Variants in PRIMA1 observed in about 807,000 individuals in gnomAD.
The protein encoded by PRIMA1 is proline rich membrane anchor 1.
A neutral mutation model predicts 17.5 loss-of-function variants in PRIMA1; 7 were observed. That is an observed-to-expected ratio of 0.40 (90% CI 0.23 to 0.75). PRIMA1 has a LOEUF of 0.75. Among genes scored for constraint, PRIMA1 ranks in the 30% least tolerant of loss-of-function variants. The probability of loss-of-function intolerance (pLI) is 0.37; values close to 1 mark genes in which losing one functional copy is unlikely to be tolerated. For synonymous variants in PRIMA1, 97 were observed against 77.9 expected, an observed-to-expected ratio of 1.25 and a Z score of -1.29; for missense variants, 200 against 201.8, an observed-to-expected ratio of 0.99 and a Z score of 0.05.
intron 3 of PRIMA1, among the ~76,000 whole-genome samples, chr14:93,764,108 C>A (rs997429212): frequency 6.6e-6 from 1 of 151,974 alleles, no homozygotes; most frequent in South Asian, 2.1e-4. Flanking sequence ...CTTCTAACCC[C>A]CCAGCACTGC....
intron 3 of PRIMA1, among the ~76,000 whole-genome samples, chr14:93,754,366 C>G (rs936135970): frequency 6.7e-4 from 101 of 151,492 alleles, no homozygotes; most frequent in African/African-American, 2.0e-3. Flanking sequence ...GAGACCACTG[C>G]TACTAGATTT....
At chr14:93,750,959 T>G (rs1001292064) in intron 3 of PRIMA1, among the ~76,000 whole-genome samples, 26 of 152,154 alleles carry the variant, frequency 1.7e-4, no homozygotes, top group Admixed American at 4.6e-4. Flanking sequence ...ATTTGGATCC[T>G]GACTTGGCCA....
chr14:93,752,177 A>G (rs941975431), intron 3 of PRIMA1, among the ~76,000 whole-genome samples: 1 of 152,150 alleles, frequency 6.6e-6, no homozygotes, highest in African/African-American at 2.4e-5. Context: ...TTCAAAGCAC[A>G]TTTTCCTTAG....
chr14:93,741,079 C>T (rs1020689078), intron 3 of PRIMA1, among the ~76,000 whole-genome samples: 1 of 152,176 alleles, frequency 6.6e-6, no homozygotes, highest in East Asian at 1.9e-4. Context: ...GAGAAAACTA[C>T]CAGAGGCAAA....
intron 3 of PRIMA1, among the ~76,000 whole-genome samples, chr14:93,750,863 A>G (rs1196162890): frequency 6.6e-6 from 1 of 152,220 alleles, no homozygotes; most frequent in Non-Finnish European, 1.5e-5. Flanking sequence ...GTCTCTGGGC[A>G]TGGGGCACAG....
At position 93,724,420 on chromosome 14, in the gene PRIMA1, T is replaced by C. The variant is rs980581117; in HGVS notation, c.360-2874A>G. Among the ~76,000 whole-genome samples the C allele has an allele frequency of 5.5e-4, 83 of 152,206 alleles. 2 individuals carry two copies. Among genetic ancestry groups the C allele is most frequent in the Non-Finnish European group, 5.6e-4 (38 of 68,036 alleles). ...TGTTTATGTCGGGATCCATGGGAAA[T>C]GATGGACTCTGCAGCCAAGCTCTGC... On this transcript the variant is annotated intron_variant, in intron 4 of 4. Coordinates refer to ENST00000393140, the MANE Select transcript of PRIMA1 (RefSeq NM_178013.4).
At chr14:93,753,089 T>A (rs1045269767) in intron 3 of PRIMA1, among the ~76,000 whole-genome samples, 1 of 152,230 alleles carries the variant, frequency 6.6e-6, no homozygotes, top group Non-Finnish European at 1.5e-5. Flanking sequence ...GGCTCTTTCC[T>A]GGCTTCTGCA....
Position 93,721,550 on chromosome 14 carries a change from G to C in PRIMA1, c.360-4C>G, listed in dbSNP as rs777986985. 4.4e-6 allele frequency: 7 copies of C among 1,601,154 alleles called. No individual in the cohort carries two copies. Among genetic ancestry groups the C allele is most frequent in the Admixed American group, 1.7e-5 (1 of 59,954 alleles). On this transcript the variant is annotated splice_region_variant and splice_polypyrimidine_tract_variant and intron_variant, in intron 4 of 4. Transcript: ENST00000393140. Reference sequence around the variant, plus strand: ...TTCGTCTTTTCTCAGTGGTTTCCTGGAAGTGGGGGGAGGGGACAGGAAAGG... The same window carrying C: ...TTCGTCTTTTCTCAGTGGTTTCCTGCAAGTGGGGGGAGGGGACAGGAAAGG...
rs139915473 is a variant in PRIMA1 at position 93,759,563 on chromosome 14, G to T, written c.229+19613C>A. On this transcript the variant is annotated intron_variant, in intron 3 of 4. Coordinates refer to ENST00000393140, the MANE Select transcript of PRIMA1 (RefSeq NM_178013.4). ...TTGTGTGTGCATGCACGTGGGAGGAGTCACGTCAACTTGCAAAAAAGAGAG... is the reference window on the plus strand; with the variant it reads ...TTGTGTGTGCATGCACGTGGGAGGATTCACGTCAACTTGCAAAAAAGAGAG... 8.9e-4 allele frequency among the ~76,000 whole-genome samples: 135 copies of T among 152,296 alleles called. 3 individuals carry two copies. The South Asian group carries it at 0.023, about 26-fold the overall frequency.
intron 3 of PRIMA1, among the ~76,000 whole-genome samples, chr14:93,755,382 C>T (rs1284185879): frequency 6.6e-6 from 1 of 152,070 alleles, no homozygotes; most frequent in African/African-American, 2.4e-5. Context: ...ATGGATGTAC[C>T]ACAATTTACC....
At chr14:93,757,297 C>T (rs2076297672) in intron 3 of PRIMA1, among the ~76,000 whole-genome samples, 1 of 152,186 alleles carries the variant, frequency 6.6e-6, no homozygotes, top group African/African-American at 2.4e-5. Flanking sequence ...CACTTGAGAA[C>T]CATCAGCCAC....
intron 3 of PRIMA1, among the ~76,000 whole-genome samples, chr14:93,741,885 G>A (rs1159761592): frequency 1.3e-5 from 2 of 152,078 alleles, no homozygotes; most frequent in Non-Finnish European, 2.9e-5. Flanking sequence ...ACATCTCAGG[G>A]GTCGCAACAC....
At chr14:93,746,338 G>A (rs2076217948) in intron 3 of PRIMA1, among the ~76,000 whole-genome samples, 1 of 152,160 alleles carries the variant, frequency 6.6e-6, no homozygotes, top group East Asian at 1.9e-4. Flanking sequence ...AGGGTTGGGG[G>A]GCTCTCAGTG....
chr14:93,761,655 T>C (rs2141180250), intron 3 of PRIMA1, among the ~76,000 whole-genome samples: 1 of 152,256 alleles, frequency 6.6e-6, no homozygotes, highest in Non-Finnish European at 1.5e-5. Context: ...CTATGGAAGG[T>C]AGGGCCCTCT....
chr14:93,762,667 C>T (rs577576022), intron 3 of PRIMA1, among the ~76,000 whole-genome samples: 6 of 152,296 alleles, frequency 3.9e-5, no homozygotes, highest in Non-Finnish European at 8.8e-5. Flanking sequence ...CCCACAGTCT[C>T]ATCTCAGCAC....
intron 3 of PRIMA1, among the ~76,000 whole-genome samples, chr14:93,762,411 GC>G (rs1238582777): frequency 6.6e-6 from 1 of 151,924 alleles, no homozygotes; most frequent in Non-Finnish European, 1.5e-5. Flanking sequence ...CTCCAGCACA[GC>G]CCCCCACCCC....
chr14:93,781,990 G>A (rs4462531), intron 2 of PRIMA1, among the ~76,000 whole-genome samples: 53,185 of 141,742 alleles, frequency 0.38, 11,502 homozygotes, highest in Non-Finnish European at 0.51. Context: ...GAATAAGGCC[G>A]GGCGCAGTGG....
At chr14:93,739,262 G>T (rs12891478) in intron 3 of PRIMA1, among the ~76,000 whole-genome samples, 1 of 152,060 alleles carries the variant, frequency 6.6e-6, no homozygotes, top group Non-Finnish European at 1.5e-5. Flanking sequence ...ATGTTGGTCA[G>T]GCTGGTCTCG....
chr14:93,734,563 C>T (rs2076136178), intron 4 of PRIMA1, among the ~76,000 whole-genome samples: 1 of 152,178 alleles, frequency 6.6e-6, no homozygotes, highest in Non-Finnish European at 1.5e-5. Context: ...CTGAGTGCCT[C>T]ACCTGCCCCA....
Sources: gnomAD v4.1 joint callset for allele counts (sites outside exome capture counted in the v4.1 genomes callset) on GRCh38, gnomAD v4.1.1 for gene constraint, MANE v1.5 for transcripts, NCBI Gene and HGNC (gene_info 2026-07-23, HGNC 2026-07-21) for gene names.